Variants in ELP2 observed in about 807,000 individuals in gnomAD.
ELP2 encodes the protein elongator complex protein 2.
A neutral mutation model predicts 119.2 loss-of-function variants in ELP2; 90 were observed. That is an observed-to-expected ratio of 0.75 (90% CI 0.64 to 0.90). The LOEUF is 0.90. Ranked by LOEUF, ELP2 falls within the 40% of genes least tolerant of loss-of-function variation. The probability of loss-of-function intolerance (pLI) is 0.00; values close to 1 mark genes in which losing one functional copy is unlikely to be tolerated. For synonymous variants in ELP2, 339 were observed against 331.0 expected (o/e 1.02, Z -0.26); for missense variants, 921 against 967.8 (o/e 0.95, Z 0.64).
chr18:36,154,931 A>G lies in ELP2; in HGVS notation c.1207A>G (p.Ile403Val). The change falls in exon 12 of 22, where the codon ATT becomes GTT. Residue 403 changes from isoleucine to valine, a missense_variant. Transcript: ENST00000358232. ...AGTCTGGGATCCAGAAGGAGAATTT[A>G]TTATCACTGTTGGTACTGATCAGAC... is the stretch of plus-strand genomic sequence containing the variant. ...DLVWDPEGEF[I>V]ITVGTDQTTR... 2 of 1,614,058 alleles carry G rather than the reference A, an allele frequency of 1.2e-6. No individual in the cohort carries two copies. Among genetic ancestry groups the G allele is most frequent in the Non-Finnish European group, 1.7e-6 (2 of 1,179,918 alleles).
At chr18:36,151,623 A>G (rs2090402440) in intron 11 of ELP2, among the ~76,000 whole-genome samples, 1 of 152,186 alleles carries the variant, frequency 6.6e-6, no homozygotes, top group East Asian at 2.0e-4. Context: ...AGCCTGGGCA[A>G]CATGGCAAAA....
chr18:36,160,108 C>A, intron 16 of ELP2, 93 bp downstream of exon 16: 1 of 1,191,342 alleles, frequency 8.4e-7, no homozygotes, highest in Non-Finnish European at 1.2e-6. Context: ...CCTTTTTCTT[C>A]CTTCTACCTA....
At chr18:36,154,703 A>T (rs1457310176) in intron 11 of ELP2, 147 bp from the exon 12 acceptor site, 1 of 775,450 alleles carries the variant, frequency 1.3e-6, no homozygotes, top group Admixed American at 2.2e-5. Flanking sequence ...TGGAAAATGG[A>T]TCCTATTATT....
In ELP2 at chr18:36,171,080, GA is replaced by G. The variant is rs2091066643; in HGVS notation, c.2245del (p.Ile749PhefsTer15). The G allele has an allele frequency of 6.2e-7, 1 of 1,613,984 alleles. No individual in the cohort carries two copies. Among genetic ancestry groups the G allele is most frequent in the Non-Finnish European group, 8.5e-7 (1 of 1,179,944 alleles). On this transcript the variant is annotated frameshift_variant, in exon 21 of 22. Coordinates refer to ENST00000358232, the MANE Select transcript of ELP2 (RefSeq NM_018255.4). LOFTEE classifies it high-confidence loss of function. ...VVAVGLECGK[I>X]CLYTWKKTDQ... ...TTGCAGTAGGATTGGAGTGTGGAAA[GA>G]TTTGCTTATATACCTGGAAAAAGAC...
chr18:36,134,278 A>G (rs1789497), intron 2 of ELP2, among the ~76,000 whole-genome samples: 5,171 of 152,312 alleles, frequency 0.034, 127 homozygotes, highest in Non-Finnish European at 0.055. Flanking sequence ...TAATGATATC[A>G]AGAAGTTATT....
chr18:36,161,085 G>A, intron 17 of ELP2, 81 bp downstream of exon 17: 1 of 1,009,610 alleles, frequency 9.9e-7, no homozygotes, highest in Non-Finnish European at 1.6e-6. Context: ...AATGATTTAG[G>A]CAGAACTCTA....
chr18:36,151,021 T>TC (rs1014660476), intron 11 of ELP2, among the ~76,000 whole-genome samples: 5 of 150,980 alleles, frequency 3.3e-5, no homozygotes, highest in Admixed American at 6.6e-5. Context: ...GTCAGTAGTT[T>TC]CCCCCCCTAT....
At chr18:36,163,087 C>G (rs1426222411) in intron 17 of ELP2, among the ~76,000 whole-genome samples, 1 of 152,084 alleles carries the variant, frequency 6.6e-6, no homozygotes, top group Non-Finnish European at 1.5e-5. Context: ...CCAGTGTCTA[C>G]TATTATTTCA....
intron 11 of ELP2, among the ~76,000 whole-genome samples, chr18:36,148,322 T>G (rs2090280109): frequency 6.6e-6 from 1 of 152,098 alleles, no homozygotes. Context: ...TCTGCCCACC[T>G]CGGCCTCCCA....
chr18:36,152,718 T>C (rs2090441586), intron 11 of ELP2, among the ~76,000 whole-genome samples: 2 of 152,232 alleles, frequency 1.3e-5, no homozygotes, highest in African/African-American at 4.8e-5. Context: ...CTGGATTATA[T>C]ATCCCCACCC....
intron 18 of ELP2, chr18:36,164,889 G>T: frequency 1.8e-6 from 1 of 559,154 alleles, no homozygotes; most frequent in East Asian, 3.1e-5. Flanking sequence ...TGATTATGTA[G>T]TCAAGATGGC....
chr18:36,136,349 T>G lies in ELP2; in HGVS notation c.260T>G (p.Val87Gly). 6.2e-7 allele frequency: 1 copy of G among 1,612,218 alleles called. No individual in the cohort carries two copies. Among genetic ancestry groups the G allele is most frequent in the Admixed American group, 1.7e-5 (1 of 60,010 alleles). Reference protein sequence around the residue: ...ELVSGGSDNQVIHWEIEDNQL... With the variant: ...ELVSGGSDNQGIHWEIEDNQL... ...GTTTCTGGAGGATCTGATAATCAAGTGATTCACTGGGAAATAGAGGATAAT... is the reference window on the plus strand; with the variant it reads ...GTTTCTGGAGGATCTGATAATCAAGGGATTCACTGGGAAATAGAGGATAAT... The change falls in exon 3 of 22, where the codon GTG becomes GGG. Residue 87 changes from valine to glycine, a missense_variant. Coordinates refer to ENST00000358232, the MANE Select transcript of ELP2 (RefSeq NM_018255.4).
chr18:36,174,742 T>G lies in ELP2; in HGVS notation c.*101T>G, dbSNP rs766501990. 6 of 1,263,242 alleles carry G rather than the reference T, an allele frequency of 4.7e-6. No homozygotes were observed. The South Asian group carries it at 6.7e-5, about 14-fold the overall frequency. The allele number at this position is 1,263,242 out of a possible 1,614,324, so 78.3% of individuals were successfully genotyped here. A position where few individuals can be genotyped will look rare whatever the true frequency, so the allele number is the denominator to read the frequency against. ...ATAACTGAATTGAGTTTCTGGGTTTTTTTTTTTTTTGAGATGGAGTCTTGC... is the reference window on the plus strand; with the variant it reads ...ATAACTGAATTGAGTTTCTGGGTTTGTTTTTTTTTTGAGATGGAGTCTTGC... On this transcript the variant is annotated 3_prime_UTR_variant, in exon 22 of 22. Coordinates refer to ENST00000358232, the MANE Select transcript of ELP2 (RefSeq NM_018255.4).
At chr18:36,159,911 A>C in intron 15 of ELP2, 47 bp from the exon 16 acceptor site, 1 of 1,608,418 alleles carries the variant, frequency 6.2e-7, no homozygotes, top group Non-Finnish European at 8.5e-7. Flanking sequence ...AATAAGTGCT[A>C]TAGAATTCAC....
intron 2 of ELP2, among the ~76,000 whole-genome samples, chr18:36,133,548 A>C (rs1353331553): frequency 6.6e-6 from 1 of 152,176 alleles, no homozygotes; most frequent in Non-Finnish European, 1.5e-5. Context: ...GTGCAGCCCT[A>C]GACTTTGGCA....
At chr18:36,148,006 T>G (rs2090266059) in intron 11 of ELP2, among the ~76,000 whole-genome samples, 1 of 151,922 alleles carries the variant, frequency 6.6e-6, no homozygotes, top group Non-Finnish European at 1.5e-5. Context: ...GCTCCGAAGC[T>G]CCCTGAACTG....
rs1318231280 is a variant in ELP2, at chr18:36,174,531, AGTG to A, written c.2373_2375del (p.Ser791_Gly792delinsArg). Reference sequence around the variant, plus strand: ...CAGAAAATTATGCTGGAAGAATTGCAGTGGAAAAACTGAACAGAAGGAAGCAGA... The same window carrying A: ...CAGAAAATTATGCTGGAAGAATTGCAGAAAAACTGAACAGAAGGAAGCAGA... On this transcript the variant is annotated inframe_deletion, in exon 22 of 22. Transcript: ENST00000358232. The A allele has an allele frequency of 3.7e-6, 6 of 1,614,070 alleles. No homozygotes were observed. The highest frequency in any genetic ancestry group is 5.1e-6 in the Non-Finnish European group (6 of 1,180,028).
intron 11 of ELP2, among the ~76,000 whole-genome samples, chr18:36,151,890 T>C (rs1272392888): frequency 6.6e-6 from 1 of 151,476 alleles, no homozygotes; most frequent in Non-Finnish European, 1.5e-5. Flanking sequence ...TGGGATTACA[T>C]GCACCCACCA....
In ELP2 at chr18:36,179,307, C is replaced by CAACAAAA. The variant is rs2091285590; in HGVS notation, c.*4668_*4669insCAAAAAA. On this transcript the variant is annotated 3_prime_UTR_variant, in exon 22 of 22. Transcript: ENST00000358232. ...TGAAACCCCATCTCTACTAAAAATA[C>CAACAAAA]AAAAAAAAAAAAAAAATTAGTCGGG... 1 of 108,778 alleles carries CAACAAAA rather than the reference C, an allele frequency of 9.2e-6. No homozygotes were observed. Among genetic ancestry groups the CAACAAAA allele is most frequent in the Admixed American group, 9.9e-5 (1 of 10,100 alleles). 6.7% of individuals were successfully genotyped at this position (108,778 alleles called of 1,614,324 possible). A position where few individuals can be genotyped will look rare whatever the true frequency, so the allele number is the denominator to read the frequency against.
Sources: allele counts gnomAD v4.1 joint callset (sites outside exome capture counted in the v4.1 genomes callset), GRCh38; gene constraint gnomAD v4.1.1; transcripts MANE v1.5; gene names NCBI Gene and HGNC (gene_info 2026-07-23, HGNC 2026-07-21).